TRABD2B: variants seen among roughly 807,000 people sequenced by gnomAD.
The protein encoded by TRABD2B is TraB domain containing 2B.
In TRABD2B, 14 loss-of-function variants were observed where a neutral mutation model predicts 40.1. That is an observed-to-expected ratio of 0.35 (90% CI 0.23 to 0.55). The LOEUF (loss-of-function observed/expected upper bound fraction) is 0.55, where lower values mean the gene tolerates loss of function less well. TRABD2B is among the 20% of genes least tolerant of loss of function. The probability of loss-of-function intolerance (pLI) is 0.90; values close to 1 mark genes in which losing one functional copy is unlikely to be tolerated. For synonymous variants in TRABD2B, 263 were observed against 277.0 expected, an observed-to-expected ratio of 0.95 and a Z score of 0.50; for missense variants, 541 against 648.6, an observed-to-expected ratio of 0.83 and a Z score of 1.80.
At chr1:47,942,897 C>T (rs1459565994) in intron 2 of TRABD2B, among the ~76,000 whole-genome samples, 1 of 152,148 alleles carries the variant, frequency 6.6e-6, no homozygotes, top group East Asian at 1.9e-4. Flanking sequence ...TTCTTACTTG[C>T]TATACCCAAG....
intron 6 of TRABD2B, among the ~76,000 whole-genome samples, chr1:47,773,100 C>T (rs1305309012): frequency 1.3e-5 from 2 of 152,242 alleles, no homozygotes; most frequent in African/African-American, 2.4e-5. Context: ...GAGCTGACAG[C>T]CCAGCTTCCC....
chr1:47,872,982 T>G (rs764616343), intron 2 of TRABD2B, among the ~76,000 whole-genome samples: 5 of 152,154 alleles, frequency 3.3e-5, no homozygotes, highest in Non-Finnish European at 7.4e-5. Context: ...GAAGTTTAGA[T>G]CAAAGTGCCG....
intron 2 of TRABD2B, among the ~76,000 whole-genome samples, chr1:47,852,358 T>G (rs913886869): frequency 1.3e-5 from 2 of 152,176 alleles, no homozygotes; most frequent in African/African-American, 2.4e-5. Flanking sequence ...CAGGCCAAAG[T>G]AATCTAACCG....
chr1:47,979,151 G>A (rs764606580), intron 2 of TRABD2B, among the ~76,000 whole-genome samples: 3 of 152,118 alleles, frequency 2.0e-5, no homozygotes, highest in Non-Finnish European at 2.9e-5. Context: ...GAGGTACTTG[G>A]CCTCCTGGAA....
At chr1:47,867,953 T>C (rs1644083831) in intron 2 of TRABD2B, among the ~76,000 whole-genome samples, 1 of 152,198 alleles carries the variant, frequency 6.6e-6, no homozygotes, top group Non-Finnish European at 1.5e-5. Flanking sequence ...GAAATGGAGT[T>C]TGGACTTCCT....
chr1:47,794,541 C>A, intron 4 of TRABD2B, 45 bp downstream of exon 4: 1 of 1,475,660 alleles, frequency 6.8e-7, no homozygotes, highest in South Asian at 1.3e-5. Context: ...CCAAGCAAAT[C>A]TCCCAGGATT....
intron 6 of TRABD2B, among the ~76,000 whole-genome samples, chr1:47,772,770 G>A (rs1329009568): frequency 2.0e-5 from 3 of 152,178 alleles, no homozygotes; most frequent in Middle Eastern, 3.4e-3. Context: ...TGGGAGCAAC[G>A]GAGGCTGTGC....
chr1:47,929,660 C>T (rs149961100), intron 2 of TRABD2B, among the ~76,000 whole-genome samples: 10 of 152,312 alleles, frequency 6.6e-5, no homozygotes, highest in African/African-American at 1.7e-4. Flanking sequence ...TCCCAGGGGT[C>T]GGCCTTCACT....
Position 47,762,373 on chromosome 1 carries a change from C to G in TRABD2B, c.*3529G>C, listed in dbSNP as rs543605108. The G allele has an allele frequency of 6.6e-6, 1 of 152,334 alleles. No individual in the cohort carries two copies. The highest frequency in any genetic ancestry group is 1.5e-5 in the Non-Finnish European group (1 of 68,052). The allele number at this position is 152,334 out of a possible 1,614,324, so 9.4% of individuals were successfully genotyped here. On this transcript the variant is annotated 3_prime_UTR_variant, in exon 7 of 7. Coordinates refer to ENST00000606738, the MANE Select transcript of TRABD2B (RefSeq NM_001194986.2). ...AGCCCCAATTCTGCTGTCTGCCACACAGGATGCCATCAAAGCTGCAATTCC... is the reference window on the plus strand; with the variant it reads ...AGCCCCAATTCTGCTGTCTGCCACAGAGGATGCCATCAAAGCTGCAATTCC...
At chr1:47,839,129 A>G (rs905772068) in intron 2 of TRABD2B, among the ~76,000 whole-genome samples, 3 of 152,146 alleles carry the variant, frequency 2.0e-5, no homozygotes, top group African/African-American at 7.2e-5. Context: ...AGGTGAGATC[A>G]TGGATGCCAG....
chr1:47,986,757 C>T lies in TRABD2B; in HGVS notation c.666+7277G>A, dbSNP rs112598049. On this transcript the variant is annotated intron_variant, in intron 2 of 6. Transcript: ENST00000606738. Reference sequence around the variant, plus strand: ...GGAGGGGGCCTAGCAGAAGCAACGGCGTTTCCAAGCTTGGGGCAACAGTTT... The same window carrying T: ...GGAGGGGGCCTAGCAGAAGCAACGGTGTTTCCAAGCTTGGGGCAACAGTTT... Among the ~76,000 whole-genome samples the T allele has an allele frequency of 1.6e-3, 250 of 152,230 alleles. 1 individual carries two copies. The highest frequency in any genetic ancestry group is 5.6e-3 in the African/African-American group (234 of 41,540).
intron 2 of TRABD2B, among the ~76,000 whole-genome samples, chr1:47,888,053 C>T (rs530522977): frequency 6.6e-6 from 1 of 152,336 alleles, no homozygotes; most frequent in South Asian, 2.1e-4. Context: ...CATAATACAT[C>T]TGTTTATTAT....
chr1:47,902,378 CAG>C (rs1459695491), intron 2 of TRABD2B, among the ~76,000 whole-genome samples: 1 of 152,152 alleles, frequency 6.6e-6, no homozygotes, highest in Non-Finnish European at 1.5e-5. Flanking sequence ...GATGGGCAAA[CAG>C]GGGGTCCAGA....
intron 5 of TRABD2B, among the ~76,000 whole-genome samples, chr1:47,776,399 G>A (rs1276595943): frequency 6.6e-6 from 1 of 152,146 alleles, no homozygotes; most frequent in Non-Finnish European, 1.5e-5. Flanking sequence ...TACTTCATGG[G>A]GTTGTCATGA....
intron 3 of TRABD2B, among the ~76,000 whole-genome samples, chr1:47,795,842 C>T (rs1310200867): frequency 6.6e-6 from 1 of 152,178 alleles, no homozygotes; most frequent in East Asian, 1.9e-4. Context: ...ACCATGGCTT[C>T]CCCCAAGTTG....
In TRABD2B at chr1:47,920,313, C is replaced by A. The variant is rs558003570; in HGVS notation, c.666+73721G>T. On this transcript the variant is annotated intron_variant, in intron 2 of 6. Coordinates refer to ENST00000606738, the MANE Select transcript of TRABD2B (RefSeq NM_001194986.2). ...AACCCTAGATTTCTGGATGTCCTGT[C>A]CCTGGCTTAATCCCCGTCAAATTAG... Among the ~76,000 whole-genome samples, 145 of 152,290 alleles carry A rather than the reference C, an allele frequency of 9.5e-4. 1 individual carries two copies. Among genetic ancestry groups the A allele is most frequent in the Middle Eastern group, 3.4e-3 (1 of 294 alleles).
At chr1:47,830,986 G>A (rs749248199) in intron 2 of TRABD2B, among the ~76,000 whole-genome samples, 7 of 152,220 alleles carry the variant, frequency 4.6e-5, no homozygotes, top group Non-Finnish European at 5.9e-5. Context: ...TGTTTGCTCA[G>A]AGAAAGGTGA....
chr1:47,987,771 A>T (rs12075307), intron 2 of TRABD2B, among the ~76,000 whole-genome samples: 34,395 of 152,172 alleles, frequency 0.23, 4,128 homozygotes, highest in East Asian at 0.27. Flanking sequence ...GGTGATGGAC[A>T]TTTGCTGAGC....
chr1:47,963,332 C>G (rs1435383217), intron 2 of TRABD2B, among the ~76,000 whole-genome samples: 1 of 152,166 alleles, frequency 6.6e-6, no homozygotes, highest in African/African-American at 2.4e-5. Flanking sequence ...GCCCCATCCC[C>G]AGGTTACAGG....
Sources: allele counts gnomAD v4.1 joint callset (sites outside exome capture counted in the v4.1 genomes callset), GRCh38; gene constraint gnomAD v4.1.1; transcripts MANE v1.5; gene names NCBI Gene and HGNC (gene_info 2026-07-23, HGNC 2026-07-21).